The following GOLM2 variants were observed in gnomAD, a reference collection of about 807,000 sequenced individuals.
The protein encoded by GOLM2 is golgi membrane protein 2.
Under a neutral mutation model 55.9 loss-of-function variants are expected in GOLM2, and 26 were observed. The ratio of observed to expected loss-of-function variants is 0.47; its 90% confidence interval spans 0.34 to 0.65. GOLM2 has a LOEUF of 0.65. Among genes scored for constraint, GOLM2 ranks in the 30% least tolerant of loss-of-function variants. The pLI is 0.01. For synonymous variants in GOLM2, 165 were observed against 194.6 expected (o/e 0.85, Z 1.27); for missense variants, 486 against 531.8 (o/e 0.91, Z 0.85).
At chr15:44,320,161 A>G (rs2078939517) in intron 1 of GOLM2, among the ~76,000 whole-genome samples, 1 of 152,150 alleles carries the variant, frequency 6.6e-6, no homozygotes, top group Admixed American at 6.5e-5. Context: ...TTTCATATCA[A>G]TGCTATCAGA....
chr15:44,317,197 A>AC (rs1022176014), intron 1 of GOLM2, among the ~76,000 whole-genome samples: 56 of 149,948 alleles, frequency 3.7e-4, no homozygotes, highest in Middle Eastern at 3.5e-3. Flanking sequence ...AAAAAGTGAG[A>AC]CCCCCCCATC....
chr15:44,407,001 G>A (rs2079601230), intron 9 of GOLM2: 1 of 150,212 alleles, frequency 6.7e-6, no homozygotes, highest in Non-Finnish European at 1.5e-5. Context: ...TTGTAGAATT[G>A]AGGCCTATTT....
At chr15:44,379,638 T>TTTAAAAA in intron 6 of GOLM2, 52 bp from the exon 7 acceptor site, 1 of 710,022 alleles carries the variant, frequency 1.4e-6, no homozygotes, top group Non-Finnish European at 2.3e-6. Context: ...TTTTTTTTTT[T>TTTAAAAA]AGAAATCATA....
intron 8 of GOLM2, 88 bp from the exon 9 acceptor site, chr15:44,402,799 A>T: frequency 7.3e-7 from 1 of 1,363,616 alleles, no homozygotes; most frequent in Non-Finnish European, 1.0e-6. Flanking sequence ...GCCAGCTTTC[A>T]CTTGTTTACT....
intron 1 of GOLM2, among the ~76,000 whole-genome samples, chr15:44,313,401 C>T (rs907515624): frequency 6.6e-6 from 1 of 152,116 alleles, no homozygotes; most frequent in Non-Finnish European, 1.5e-5. Context: ...ATGTTCTTGG[C>T]TTCTTATCTC....
intron 4 of GOLM2, 114 bp downstream of exon 4, chr15:44,332,192 C>G (rs1004690906): frequency 3.4e-6 from 2 of 589,996 alleles, no homozygotes; most frequent in Non-Finnish European, 5.8e-6. Flanking sequence ...TTCCAGCCAG[C>G]CTAATTCCAA....
chr15:44,372,971 A>G (rs901067016), intron 6 of GOLM2, among the ~76,000 whole-genome samples: 2 of 152,194 alleles, frequency 1.3e-5, no homozygotes, highest in Non-Finnish European at 2.9e-5. Flanking sequence ...TCCCCTGACC[A>G]AACTATCTAA....
At chr15:44,361,052 C>G (rs2079234144) in intron 6 of GOLM2, among the ~76,000 whole-genome samples, 1 of 150,486 alleles carries the variant, frequency 6.6e-6, no homozygotes, top group Non-Finnish European at 1.5e-5. Flanking sequence ...ACATTCAAAG[C>G]AGTGTGTAGA....
At chr15:44,332,579 A>G (rs1012955999) in intron 4 of GOLM2, among the ~76,000 whole-genome samples, 11 of 152,178 alleles carry the variant, frequency 7.2e-5, no homozygotes, top group South Asian at 2.1e-4. Context: ...AAAAATTTAA[A>G]TTAATTTTGA....
In GOLM2 at chr15:44,379,673, TA is replaced by T. The variant is rs747501828; in HGVS notation, c.803-16del. On this transcript the variant is annotated splice_polypyrimidine_tract_variant and intron_variant, in intron 6 of 9. Transcript: ENST00000299957. The stretch of plus-strand genomic sequence containing the variant: ...AGTATCAATGGGAATAATATGGATT[TA>T]TTTTTTTTCTTCTAGCTTTAAGGAA... 16 of 1,393,550 alleles carry T rather than the reference TA, an allele frequency of 1.1e-5. No individual in the cohort carries two copies. Among genetic ancestry groups the T allele is most frequent in the South Asian group, 8.3e-5 (7 of 84,486 alleles). 86.3% of individuals were successfully genotyped at this position (1,393,550 alleles called of 1,614,324 possible).
intron 6 of GOLM2, among the ~76,000 whole-genome samples, chr15:44,363,286 C>G (rs1418160336): frequency 2.0e-5 from 3 of 152,096 alleles, no homozygotes; most frequent in Non-Finnish European, 2.9e-5. Context: ...ATTTTTGCAA[C>G]CTGCTCATCT....
rs551217381 is a variant in GOLM2 at position 44,386,706 on chromosome 15, A to T, written c.1072+5730A>T. ...GGCAACGTAGCAAGACCCTATCTCT[A>T]AAAAAAATTTAAAAATTAGCCAGGC... is the stretch of plus-strand genomic sequence containing the variant. On this transcript the variant is annotated intron_variant, in intron 8 of 9. Transcript: ENST00000299957. 3.4e-4 allele frequency among the ~76,000 whole-genome samples: 51 copies of T among 151,922 alleles called. 1 individual carries two copies. In the East Asian group the frequency reaches 6.8e-3, roughly 20 times the overall value.
intron 9 of GOLM2, among the ~76,000 whole-genome samples, chr15:44,409,317 G>C (rs1216816046): frequency 2.0e-5 from 3 of 151,278 alleles, no homozygotes; most frequent in Non-Finnish European, 4.4e-5. Flanking sequence ...GCTGGGCGCG[G>C]TGGGTCATGC....
intron 6 of GOLM2, among the ~76,000 whole-genome samples, chr15:44,368,090 A>G (rs779696972): frequency 6.6e-6 from 1 of 151,806 alleles, no homozygotes; most frequent in Non-Finnish European, 1.5e-5. Context: ...TTACAATGCT[A>G]TCTTTTTTTA....
intron 6 of GOLM2, among the ~76,000 whole-genome samples, chr15:44,342,492 C>T (rs967540367): frequency 6.6e-6 from 1 of 152,126 alleles, no homozygotes; most frequent in Non-Finnish European, 1.5e-5. Context: ...GTCTCAAACT[C>T]CTAGGCTCAA....
intron 1 of GOLM2, among the ~76,000 whole-genome samples, chr15:44,317,673 C>T (rs2078920316): frequency 6.6e-6 from 1 of 152,052 alleles, no homozygotes; most frequent in African/African-American, 2.4e-5. Context: ...GCTCTCTGGT[C>T]GTCGCCCGAG....
chr15:44,395,088 C>G (rs1209559045), intron 8 of GOLM2, among the ~76,000 whole-genome samples: 1 of 151,696 alleles, frequency 6.6e-6, no homozygotes, highest in African/African-American at 2.4e-5. Context: ...TGGCTCACTG[C>G]AACCTCCACC....
chr15:44,383,166 G>C (rs1176180277), intron 8 of GOLM2, among the ~76,000 whole-genome samples: 1 of 150,782 alleles, frequency 6.6e-6, no homozygotes, highest in Non-Finnish European at 1.5e-5. Context: ...ATATTCTATT[G>C]TGCTTAGGCA....
chr15:44,407,207 T>A (rs908907999), intron 9 of GOLM2, among the ~76,000 whole-genome samples: 1 of 146,760 alleles, frequency 6.8e-6, no homozygotes, highest in Admixed American at 6.9e-5. Flanking sequence ...TATTTATATT[T>A]ATATTATATA....
Sources: allele counts gnomAD v4.1 joint callset (sites outside exome capture counted in the v4.1 genomes callset), GRCh38; gene constraint gnomAD v4.1.1; transcripts MANE v1.5; gene names NCBI Gene and HGNC (gene_info 2026-07-23, HGNC 2026-07-21).